The following SLC35F1 variants were observed in gnomAD, a reference collection of about 807,000 sequenced individuals.
The protein encoded by SLC35F1 is solute carrier family 35 member F1.
In SLC35F1, 14 loss-of-function variants were observed where a neutral mutation model predicts 48.7. The ratio of observed to expected loss-of-function variants is 0.29; its 90% CI spans 0.19 to 0.45. SLC35F1 has a LOEUF of 0.45. Ranked by LOEUF, SLC35F1 falls within the 20% of genes least tolerant of loss-of-function variation. The pLI, the probability that SLC35F1 is intolerant of heterozygous loss-of-function variation, is 1.00. For missense variants in SLC35F1, 404 were observed against 500.0 expected, an observed-to-expected ratio of 0.81 and a Z score of 1.83; for synonymous variants, 190 against 202.2, an observed-to-expected ratio of 0.94 and a Z score of 0.51.
intron 2 of SLC35F1, among the ~76,000 whole-genome samples, chr6:118,231,318 TG>T (rs1366704494): frequency 6.6e-6 from 1 of 152,134 alleles, no homozygotes; most frequent in African/African-American, 2.4e-5. Flanking sequence ...TAAAAAAAGG[TG>T]GGGTGGATTT....
intron 1 of SLC35F1, among the ~76,000 whole-genome samples, chr6:118,141,766 C>A (rs1773893585): frequency 6.6e-6 from 1 of 152,164 alleles, no homozygotes; most frequent in South Asian, 2.1e-4. Flanking sequence ...AAGAAACAAA[C>A]ATTCAGTCCA....
At chr6:117,939,834 G>A (rs7765524) in intron 1 of SLC35F1, among the ~76,000 whole-genome samples, 3,057 of 152,184 alleles carry the variant, frequency 0.02, 41 homozygotes, top group Non-Finnish European at 0.032. Context: ...AGTGGAGTGG[G>A]GACAGGTCAT....
chr6:118,066,133 T>C (rs9942473), intron 1 of SLC35F1, among the ~76,000 whole-genome samples: 73,756 of 151,884 alleles, frequency 0.49, 18,576 homozygotes, highest in African/African-American at 0.61. Flanking sequence ...TCACGGACAT[T>C]GCAAATAATA....
chr6:117,992,266 A>G (rs1326032403), intron 1 of SLC35F1, among the ~76,000 whole-genome samples: 2 of 152,094 alleles, frequency 1.3e-5, no homozygotes, highest in African/African-American at 2.4e-5. Context: ...GATATTTAAC[A>G]TCATTGAATT....
chr6:118,072,003 G>C (rs998091805), intron 1 of SLC35F1, among the ~76,000 whole-genome samples: 2 of 152,044 alleles, frequency 1.3e-5, no homozygotes, highest in African/African-American at 4.8e-5. Flanking sequence ...TTATTGCTTT[G>C]CTAATTTATT....
chr6:118,034,514 C>T (rs143219649), intron 1 of SLC35F1, among the ~76,000 whole-genome samples: 3,342 of 151,870 alleles, frequency 0.022, 79 homozygotes, highest in African/African-American at 0.053. Context: ...GGAGAGATTG[C>T]GACACTGCAC....
chr6:118,107,181 T>C (rs887065271), intron 1 of SLC35F1, among the ~76,000 whole-genome samples: 1 of 152,078 alleles, frequency 6.6e-6, no homozygotes, highest in African/African-American at 2.4e-5. Context: ...TTTAAATGAA[T>C]GGATGCATAC....
intron 2 of SLC35F1, among the ~76,000 whole-genome samples, chr6:118,189,894 T>C (rs532239506): frequency 6.6e-6 from 1 of 152,330 alleles, no homozygotes; most frequent in East Asian, 1.9e-4. Flanking sequence ...GAACACAGTT[T>C]GAACACTTGG....
intron 3 of SLC35F1, among the ~76,000 whole-genome samples, chr6:118,241,436 C>T (rs1433832027): frequency 6.6e-6 from 1 of 152,162 alleles, no homozygotes; most frequent in Non-Finnish European, 1.5e-5. Context: ...TCATGTGAAT[C>T]TATAATCATT....
chr6:118,087,671 C>T (rs1367926668), intron 1 of SLC35F1, among the ~76,000 whole-genome samples: 1 of 152,164 alleles, frequency 6.6e-6, no homozygotes, highest in Non-Finnish European at 1.5e-5. Flanking sequence ...GCATGCCTTC[C>T]ATGTCTTTGC....
intron 1 of SLC35F1, among the ~76,000 whole-genome samples, chr6:117,978,832 C>T (rs1437933731): frequency 2.6e-5 from 4 of 152,216 alleles, no homozygotes; most frequent in Admixed American, 6.5e-5. Context: ...CCATTACTTA[C>T]ACTCCAAAAT....
At chr6:118,290,549 T>C (rs897427751) in intron 7 of SLC35F1, among the ~76,000 whole-genome samples, 9 of 151,636 alleles carry the variant, frequency 5.9e-5, no homozygotes, top group African/African-American at 1.9e-4. Context: ...TTAATTTAAA[T>C]CCAAAAATTA....
intron 3 of SLC35F1, among the ~76,000 whole-genome samples, chr6:118,248,071 G>A (rs1296868320): frequency 1.3e-5 from 2 of 152,194 alleles, no homozygotes; most frequent in Non-Finnish European, 2.9e-5. Flanking sequence ...TTTGAGTGAT[G>A]AAAGATTCAT....
At chr6:118,012,603 C>T (rs1005223285) in intron 1 of SLC35F1, among the ~76,000 whole-genome samples, 1 of 152,170 alleles carries the variant, frequency 6.6e-6, no homozygotes, top group Admixed American at 6.5e-5. Context: ...ATCACTTAAC[C>T]TCCCTGAAGT....
chr6:118,029,662 ACTAT>A (rs1162878341), intron 1 of SLC35F1, among the ~76,000 whole-genome samples: 1 of 152,176 alleles, frequency 6.6e-6, no homozygotes, highest in Non-Finnish European at 1.5e-5. Context: ...AAACATGGAC[ACTAT>A]CTCTTAGCAG....
At chr6:118,037,819 T>C (rs1772156213) in intron 1 of SLC35F1, among the ~76,000 whole-genome samples, 1 of 135,364 alleles carries the variant, frequency 7.4e-6, no homozygotes, top group Admixed American at 8.4e-5. Flanking sequence ...AATTGAACAA[T>C]GAGAACACAT....
At chr6:117,998,949 C>G (rs984766926) in intron 1 of SLC35F1, 1 of 877,204 alleles carries the variant, frequency 1.1e-6, no homozygotes. Flanking sequence ...CTAGGCACTT[C>G]GGGAGCCGCG....
At chr6:118,218,377 C>T (rs187911852) in intron 2 of SLC35F1, among the ~76,000 whole-genome samples, 55 of 152,206 alleles carry the variant, frequency 3.6e-4, no homozygotes, top group African/African-American at 1.2e-3. Context: ...CAGCACTCTC[C>T]GTTGAAGTCA....
intron 2 of SLC35F1, among the ~76,000 whole-genome samples, chr6:118,201,045 G>T (rs1489821477): frequency 6.6e-6 from 1 of 152,054 alleles, no homozygotes; most frequent in African/African-American, 2.4e-5. Flanking sequence ...CCAAGTAGCT[G>T]GGACTACAGG....
Sources: allele counts gnomAD v4.1 joint callset (sites outside exome capture counted in the v4.1 genomes callset), GRCh38; gene constraint gnomAD v4.1.1; transcripts MANE v1.5; gene names NCBI Gene and HGNC (gene_info 2026-07-23, HGNC 2026-07-21).